The following COG6 variants were observed in gnomAD, a reference collection of about 807,000 sequenced individuals.
COG6 encodes the protein conserved oligomeric Golgi complex subunit 6.
In COG6, 74 loss-of-function variants were observed where a neutral mutation model predicts 88.8. The observed-to-expected ratio is 0.83, with a 90% CI of 0.69 to 1.01. The LOEUF is 1.01. Ranked by LOEUF, COG6 falls within the 50% of genes least tolerant of loss-of-function variation. The pLI is 0.00. For synonymous variants in COG6, 286 were observed against 278.7 expected (o/e 1.03, Z -0.26); for missense variants, 800 against 797.9 (o/e 1.00, Z -0.03).
At chr13:39,660,127 T>C (rs1435681561) in intron 2 of COG6, among the ~76,000 whole-genome samples, 1 of 152,170 alleles carries the variant, frequency 6.6e-6, no homozygotes, top group African/African-American at 2.4e-5. Flanking sequence ...AATAGGTTGT[T>C]TTTGACACCT....
intron 10 of COG6, among the ~76,000 whole-genome samples, chr13:39,688,661 A>ACATC (rs965651981): frequency 5.3e-5 from 8 of 152,198 alleles, no homozygotes; most frequent in African/African-American, 1.9e-4. Flanking sequence ...GAGGGGACAA[A>ACATC]CATCCAAACT....
chr13:39,761,937 A>G (rs1479915731), intron 18 of COG6, among the ~76,000 whole-genome samples: 2 of 151,934 alleles, frequency 1.3e-5, no homozygotes, highest in African/African-American at 2.4e-5. Context: ...TCCAGCCACT[A>G]TGGAAAACAG....
At chr13:39,733,470 T>G (rs1879568534) in intron 18 of COG6, among the ~76,000 whole-genome samples, 1 of 152,128 alleles carries the variant, frequency 6.6e-6, no homozygotes, top group South Asian at 2.1e-4. Context: ...ATTACAGGTG[T>G]GAGCCACTGT....
rs781147418 is a variant in COG6 at position 39,787,297 on chromosome 13, T to A, written c.1827-1038T>A. Among the ~76,000 whole-genome samples, 71 of 152,112 alleles carry A rather than the reference T, an allele frequency of 4.7e-4. 2 individuals carry two copies. The highest frequency in any genetic ancestry group is 1.2e-4 in the Non-Finnish European group (8 of 68,008). On this transcript the variant is annotated intron_variant, in intron 18 of 18. Transcript: ENST00000416691. The stretch of plus-strand genomic sequence containing the variant: ...AAGATGGGGTTAATTGGTAGGAAAG[T>A]GTGGGAGGAAACTGATGTTAGTGGA...
chr13:39,718,890 A>C (rs1310137201), intron 13 of COG6, among the ~76,000 whole-genome samples: 1 of 152,114 alleles, frequency 6.6e-6, no homozygotes, highest in Non-Finnish European at 1.5e-5. Flanking sequence ...GCTGGTCTAT[A>C]GACTGCTTTT....
intron 15 of COG6, among the ~76,000 whole-genome samples, chr13:39,721,645 A>G (rs1454457408): frequency 6.6e-6 from 1 of 152,076 alleles, no homozygotes; most frequent in Non-Finnish European, 1.5e-5. Flanking sequence ...GATAGAGGAC[A>G]ATACAAAGGT....
Position 39,680,040 on chromosome 13 carries a change from C to A in COG6, c.689C>A (p.Ala230Asp). ...GCTTATGAAAGACTTTACCGATGGG[C>A]TCAAAGTAAGTGATTTCTTTTATGT... Reference protein sequence around the residue: ...ETAYERLYRWAQSECRTLTQE... With the variant: ...ETAYERLYRWDQSECRTLTQE... The change falls in exon 7 of 19, where the codon GCT (alanine) becomes GAT (aspartate). Residue 230 changes from alanine to aspartate, a missense_variant. Transcript: ENST00000455146. 1 of 1,570,048 alleles carries A rather than the reference C, an allele frequency of 6.4e-7. No homozygotes were observed. Among genetic ancestry groups the A allele is most frequent in the Non-Finnish European group, 8.8e-7 (1 of 1,141,930 alleles).
chr13:39,714,495 T>C (rs1006507929), intron 13 of COG6, among the ~76,000 whole-genome samples: 17 of 152,058 alleles, frequency 1.1e-4, no homozygotes, highest in Non-Finnish European at 1.8e-4. Flanking sequence ...AAAGAAGATA[T>C]ACAGATGGCT....
intron 17 of COG6, 152 bp downstream of exon 17, chr13:39,724,713 T>C: frequency 1.5e-6 from 1 of 674,288 alleles, no homozygotes; most frequent in Non-Finnish European, 2.6e-6. Flanking sequence ...TGAGCCTGTA[T>C]TACTTTAATT....
chr13:39,694,574 T>C, intron 11 of COG6, 60 bp from the exon 12 acceptor site: 7 of 1,021,576 alleles, frequency 6.9e-6, no homozygotes, highest in Non-Finnish European at 1.1e-5. Flanking sequence ...CCATATGTTA[T>C]TAATGAAAAA....
At chr13:39,665,476 T>TC (rs949893918) in intron 4 of COG6, among the ~76,000 whole-genome samples, 9 of 152,206 alleles carry the variant, frequency 5.9e-5, no homozygotes, top group African/African-American at 1.4e-4. Flanking sequence ...TACTTTTTTT[T>TC]CACAATCATT....
chr13:39,696,285 G>A (rs1357003504), intron 12 of COG6, among the ~76,000 whole-genome samples: 3 of 151,626 alleles, frequency 2.0e-5, no homozygotes, highest in Non-Finnish European at 4.4e-5. Flanking sequence ...ACAAAACAGA[G>A]CTTAAACTTA....
At chr13:39,662,025 A>T (rs1874926519) in intron 3 of COG6, among the ~76,000 whole-genome samples, 1 of 151,624 alleles carries the variant, frequency 6.6e-6, no homozygotes, top group South Asian at 2.1e-4. Flanking sequence ...TATACTTTTC[A>T]TCATAGAGAG....
intron 13 of COG6, among the ~76,000 whole-genome samples, chr13:39,710,648 A>G (rs934858994): frequency 1.3e-5 from 2 of 152,194 alleles, no homozygotes; most frequent in Non-Finnish European, 2.9e-5. Flanking sequence ...GAAAAGAAAA[A>G]AATCAACAAA....
intron 13 of COG6, among the ~76,000 whole-genome samples, chr13:39,717,559 A>AT (rs1323355191): frequency 6.6e-6 from 1 of 152,032 alleles, no homozygotes; most frequent in African/African-American, 2.4e-5. Flanking sequence ...CTGATTATTT[A>AT]TTCCACCTGC....
At chr13:39,714,458 G>A (rs1593445546) in intron 13 of COG6, among the ~76,000 whole-genome samples, 1 of 152,086 alleles carries the variant, frequency 6.6e-6, no homozygotes, top group African/African-American at 2.4e-5. Context: ...CAAAAAGTGG[G>A]CAAATGAGAT....
At chr13:39,775,722 G>A (rs999466457) in intron 18 of COG6, among the ~76,000 whole-genome samples, 13 of 151,824 alleles carry the variant, frequency 8.6e-5, no homozygotes, top group Non-Finnish European at 1.5e-4. Flanking sequence ...TCCAGCTACA[G>A]TAAAAGCTGG....
intron 18 of COG6, among the ~76,000 whole-genome samples, chr13:39,778,642 T>G (rs1881540570): frequency 6.6e-6 from 1 of 152,246 alleles, no homozygotes; most frequent in South Asian, 2.1e-4. Flanking sequence ...ACTTAGTTAT[T>G]TAAAACAATA....
intron 8 of COG6, among the ~76,000 whole-genome samples, chr13:39,687,271 G>A (rs1046105572): frequency 1.4e-4 from 21 of 151,974 alleles, no homozygotes; most frequent in African/African-American, 4.8e-4. Flanking sequence ...CCAAATCCCA[G>A]CATTGTTTCT....
Sources: allele counts gnomAD v4.1 joint callset (sites outside exome capture counted in the v4.1 genomes callset), GRCh38; gene constraint gnomAD v4.1.1; transcripts MANE v1.5; gene names NCBI Gene and HGNC (gene_info 2026-07-23, HGNC 2026-07-21).